XRCC4: variants seen among roughly 807,000 people sequenced by gnomAD.
XRCC4 encodes DNA repair protein XRCC4.
Under a neutral mutation model 39.1 loss-of-function variants are expected in XRCC4, and 28 were observed. The ratio of observed to expected loss-of-function variants is 0.72; its 90% CI spans 0.53 to 0.98. The LOEUF is 0.98. XRCC4 is among the 50% of genes least tolerant of loss of function. The probability of loss-of-function intolerance (pLI) is 0.00; values close to 1 mark genes in which losing one functional copy is unlikely to be tolerated. For missense variants in XRCC4, 350 were observed against 376.4 expected (o/e 0.93, Z 0.58); for synonymous variants, 123 against 126.4 (o/e 0.97, Z 0.18).
intron 7 of XRCC4, among the ~76,000 whole-genome samples, chr5:83,348,988 G>T (rs1184606107): frequency 6.6e-6 from 1 of 151,504 alleles, no homozygotes; most frequent in Non-Finnish European, 1.5e-5. Context: ...GACCACCTCA[G>T]CCTGGACTTT....
In XRCC4 at chr5:83,106,342, G is replaced by A. The variant is rs28383143; in HGVS notation, c.139+1284G>A. On this transcript the variant is annotated intron_variant, in intron 2 of 7. Coordinates refer to ENST00000396027, the MANE Select transcript of XRCC4 (RefSeq NM_003401.5). ...CAACACAGCTTGGAAGCAAGTCCTAGGGGAAGTGGTTGCTTGTATGTAAGG... is the reference window on the plus strand; with the variant it reads ...CAACACAGCTTGGAAGCAAGTCCTAAGGGAAGTGGTTGCTTGTATGTAAGG... 1.8e-3 allele frequency among the ~76,000 whole-genome samples: 275 copies of A among 152,228 alleles called. 5 individuals carry two copies. The East Asian group carries it at 0.045, about 25-fold the overall frequency.
chr5:83,203,851 AGGGGTACCAT>A, intron 5 of XRCC4, 144 bp downstream of exon 5: 1 of 953,340 alleles, frequency 1.0e-6, no homozygotes, highest in South Asian at 1.6e-5. Context: ...GCTGTTAGAT[AGGGGTACCAT>A]GGGCTAGAGA....
At chr5:83,304,950 T>C (rs1021819511) in intron 7 of XRCC4, among the ~76,000 whole-genome samples, 2 of 152,284 alleles carry the variant, frequency 1.3e-5, no homozygotes, top group South Asian at 2.1e-4. Flanking sequence ...TTTATAGTTA[T>C]TGGGAAGAAA....
chr5:83,079,113 A>G (rs1358905684), intron 1 of XRCC4, among the ~76,000 whole-genome samples: 1 of 152,366 alleles, frequency 6.6e-6, no homozygotes, highest in African/African-American at 2.4e-5. Flanking sequence ...AAAGCATCAG[A>G]AAGCTTAACT....
chr5:83,210,333 G>C (rs1751593136), intron 6 of XRCC4, among the ~76,000 whole-genome samples: 1 of 152,054 alleles, frequency 6.6e-6, no homozygotes, highest in African/African-American at 2.4e-5. Context: ...CACCAAACTG[G>C]AAAAGAAATT....
chr5:83,264,359 C>A (rs1753879649), intron 7 of XRCC4, among the ~76,000 whole-genome samples: 1 of 151,992 alleles, frequency 6.6e-6, no homozygotes, highest in African/African-American at 2.4e-5. Flanking sequence ...AAAGATTCTT[C>A]TTTTTAATGG....
At chr5:83,116,696 A>G (rs1419580934) in intron 3 of XRCC4, among the ~76,000 whole-genome samples, 1 of 134,688 alleles carries the variant, frequency 7.4e-6, no homozygotes, top group Non-Finnish European at 1.5e-5. Context: ...ATCTCAGCTC[A>G]CTGCAACCTC....
At chr5:83,161,494 C>G (rs918170103) in intron 3 of XRCC4, among the ~76,000 whole-genome samples, 4 of 152,082 alleles carry the variant, frequency 2.6e-5, no homozygotes, top group African/African-American at 9.7e-5. Context: ...AATAGAGACA[C>G]TACCTTTTAG....
intron 7 of XRCC4, among the ~76,000 whole-genome samples, chr5:83,340,702 T>G (rs1477536509): frequency 1.3e-5 from 2 of 152,094 alleles, no homozygotes. Flanking sequence ...TCTTGACTTT[T>G]GATCACTGAG....
At chr5:83,266,887 CAGAATA>C in intron 7 of XRCC4, among the ~76,000 whole-genome samples, 2 of 152,190 alleles carry the variant, frequency 1.3e-5, no homozygotes, top group East Asian at 3.9e-4. Flanking sequence ...TCTAGAAATA[CAGAATA>C]AGAAGTTGAT....
chr5:83,095,645 G>T (rs1745641890), intron 1 of XRCC4, among the ~76,000 whole-genome samples: 1 of 152,148 alleles, frequency 6.6e-6, no homozygotes, highest in Non-Finnish European at 1.5e-5. Flanking sequence ...GCAGAGAGAG[G>T]CTGTAGCTAA....
intron 3 of XRCC4, among the ~76,000 whole-genome samples, chr5:83,119,693 A>G (rs1368137673): frequency 6.6e-6 from 1 of 152,150 alleles, no homozygotes; most frequent in African/African-American, 2.4e-5. Context: ...AGAAGTAGGC[A>G]TGGCATAGTG....
chr5:83,280,337 C>A, intron 7 of XRCC4: 1 of 444,610 alleles, frequency 2.2e-6, no homozygotes, highest in Non-Finnish European at 4.2e-6. Flanking sequence ...TCCTCTATTC[C>A]TGATACTAGA....
intron 6 of XRCC4, among the ~76,000 whole-genome samples, chr5:83,255,825 T>C (rs887645031): frequency 6.6e-6 from 1 of 152,190 alleles, no homozygotes; most frequent in African/African-American, 2.4e-5. Flanking sequence ...TGATGATTCT[T>C]CCTGACTTCA....
the XRCC4 span, among the ~76,000 whole-genome samples, chr5:83,361,253 G>A: frequency 2.0e-5 from 3 of 152,326 alleles, no homozygotes; most frequent in East Asian, 5.8e-4. Context: ...CAAGAGTTAT[G>A]TATAACCAGA....
In XRCC4 at chr5:83,176,337, A is replaced by C. The variant is rs555053412; in HGVS notation, c.316-19433A>C. On this transcript the variant is annotated intron_variant, in intron 3 of 7. Coordinates refer to ENST00000396027, the MANE Select transcript of XRCC4 (RefSeq NM_003401.5). ...AATACATAAAGTAAAAAAATAGTCAAAGTAATTTTAGTGAAAATTGTTGTG... is the reference window on the plus strand; with the variant it reads ...AATACATAAAGTAAAAAAATAGTCACAGTAATTTTAGTGAAAATTGTTGTG... 1.6e-3 allele frequency among the ~76,000 whole-genome samples: 244 copies of C among 152,262 alleles called. 1 individual carries two copies. The highest frequency in any genetic ancestry group is 3.0e-3 in the Non-Finnish European group (205 of 68,026).
At chr5:83,266,555 C>A (rs1753962015) in intron 7 of XRCC4, among the ~76,000 whole-genome samples, 2 of 151,492 alleles carry the variant, frequency 1.3e-5, no homozygotes, top group South Asian at 2.1e-4. Flanking sequence ...TATAATGATC[C>A]ATTAGTATTA....
intron 6 of XRCC4, among the ~76,000 whole-genome samples, chr5:83,245,159 G>A (rs1369127589): frequency 6.6e-6 from 1 of 151,798 alleles, no homozygotes; most frequent in East Asian, 1.9e-4. Context: ...AGCTTTTGAT[G>A]TCCTCGGGTA....
intron 3 of XRCC4, among the ~76,000 whole-genome samples, chr5:83,131,542 C>T (rs578137987): frequency 1.8e-4 from 28 of 152,146 alleles, no homozygotes; most frequent in African/African-American, 5.3e-4. Context: ...TAAGGACTTG[C>T]GTTTTGAATC....
Sources: allele counts gnomAD v4.1 joint callset (sites outside exome capture counted in the v4.1 genomes callset), GRCh38; gene constraint gnomAD v4.1.1; transcripts MANE v1.5; gene names NCBI Gene and HGNC (gene_info 2026-07-23, HGNC 2026-07-21).